The following OSBPL5 variants were observed in gnomAD, a reference collection of about 807,000 sequenced individuals.
OSBPL5 encodes oxysterol binding protein like 5.
In OSBPL5, 71 loss-of-function variants were observed where a neutral mutation model predicts 111.2. That is an observed-to-expected ratio of 0.64 (90% CI 0.53 to 0.78). The LOEUF (loss-of-function observed/expected upper bound fraction) is 0.78. OSBPL5 is among the 30% of genes least tolerant of loss of function. OSBPL5 has a pLI of 0.00. For missense variants in OSBPL5, 1,210 were observed against 1,189.3 expected (o/e 1.02, Z -0.26); for synonymous variants, 549 against 513.9 (o/e 1.07, Z -0.93).
In OSBPL5 at chr11:3,123,896, TG is replaced by T. The variant is rs538807275; in HGVS notation, c.220-1469del. Among the ~76,000 whole-genome samples, 391 of 152,310 alleles carry T rather than the reference TG, an allele frequency of 2.6e-3. 3 individuals are homozygous for T. The highest frequency in any genetic ancestry group is 8.9e-3 in the African/African-American group (368 of 41,560). ...TGGAGAGCTAGCAAGGGGCAGGGCATGGAACCGTTCCACGGACTGGCGGTCC... is the reference window on the plus strand; with the variant it reads ...TGGAGAGCTAGCAAGGGGCAGGGCATGAACCGTTCCACGGACTGGCGGTCC... On this transcript the variant is annotated intron_variant, in intron 3 of 21. Transcript: ENST00000263650.
At chr11:3,157,234 A>C (rs890367517) in intron 1 of OSBPL5, among the ~76,000 whole-genome samples, 12 of 152,310 alleles carry the variant, frequency 7.9e-5, no homozygotes, top group Admixed American at 2.6e-4. Context: ...CGTGGGAAAA[A>C]GTGGGCCTTG....
Position 3,118,247 on chromosome 11 carries a change from GC to G in OSBPL5, c.691+1299del, listed in dbSNP as rs989214744. On this transcript the variant is annotated intron_variant, in intron 7 of 21. Transcript: ENST00000263650. ...GCTGGGCACTGCTAGGGGCCAACCT[GC>G]CCCCCCATTCTATTCCAAGTCACCC... Among the ~76,000 whole-genome samples the G allele has an allele frequency of 3.3e-5, 5 of 152,254 alleles. 1 individual carries two copies. In the South Asian group the frequency reaches 6.2e-4, roughly 19 times the overall value.
intron 1 of OSBPL5, among the ~76,000 whole-genome samples, chr11:3,152,568 C>T (rs984268545): frequency 1.3e-5 from 2 of 152,132 alleles, no homozygotes; most frequent in East Asian, 1.9e-4. Context: ...GGAACAGCAG[C>T]GGGGGCCTGC....
chr11:3,129,451 C>T (rs1056049601), intron 1 of OSBPL5: 4 of 224,704 alleles, frequency 1.8e-5, no homozygotes, highest in African/African-American at 9.1e-5. Flanking sequence ...AGATGTCCTT[C>T]TCAGAACCCC....
chr11:3,106,715 G>C lies in OSBPL5; in HGVS notation c.1059+548C>G, dbSNP rs1857707036. Among the ~76,000 whole-genome samples, 1 of 152,178 alleles carries C rather than the reference G, an allele frequency of 6.6e-6. No individual in the cohort carries two copies. Among genetic ancestry groups the C allele is most frequent in the African/African-American group, 2.4e-5 (1 of 41,438 alleles). ...TCAGAAAGAGCCCATGGCCCGGTTT[G>C]CCTCCCTCACCTGCTCCCCAGCCTC... On this transcript the variant is annotated intron_variant, in intron 9 of 21. Coordinates refer to ENST00000263650, the MANE Select transcript of OSBPL5 (RefSeq NM_020896.4). This position sits in a 1 kb window ranked among gnomAD's most constrained non-coding sequence, Gnocchi z 8.4.
At position 3,113,868 on chromosome 11, in the gene OSBPL5, T is replaced by C. The variant is rs1858101825; in HGVS notation, c.691+5679A>G. ...ACCTATGCCCAGGAATGAACAAGGA[T>C]AGCTTGAAGGTTAGAAACAAGATGG... On this transcript the variant is annotated intron_variant, in intron 7 of 21. Transcript: ENST00000263650. The surrounding 1 kb of genome is among the most constrained non-coding windows in gnomAD (Gnocchi z 4.8). Among the ~76,000 whole-genome samples the C allele has an allele frequency of 6.6e-6, 1 of 152,152 alleles. No homozygotes were observed. Among genetic ancestry groups the C allele is most frequent in the African/African-American group, 2.4e-5 (1 of 41,444 alleles).
In OSBPL5 at chr11:3,120,447, G is replaced by A; in HGVS notation, c.580C>T (p.Leu194=). 1 of 1,613,260 alleles carries A rather than the reference G, an allele frequency of 6.2e-7. No homozygotes were observed. Among genetic ancestry groups the A allele is most frequent in the East Asian group, 2.2e-5 (1 of 44,884 alleles). ...TTCACGGCCCAGACGGACTGATCCAGCGGGTGGAAGAGCTTGAAGCAGAAG... is the reference window on the plus strand; with the variant it reads ...TTCACGGCCCAGACGGACTGATCCAACGGGTGGAAGAGCTTGAAGCAGAAG... The part of the protein sequence containing the change: ...DGFCFKLFHP[L]DQSVWAVKGP... Residue 194 remains leucine, a synonymous_variant, in exon 6 of 22, where the codon CTG becomes TTG. Transcript: ENST00000263650.
In OSBPL5 at chr11:3,141,586, G is replaced by T. The variant is rs2134511970; in HGVS notation, c.-21-12417C>A. On this transcript the variant is annotated intron_variant, in intron 1 of 21. Coordinates refer to ENST00000263650, the MANE Select transcript of OSBPL5 (RefSeq NM_020896.4). The surrounding 1 kb of genome is among the most constrained non-coding windows in gnomAD (Gnocchi z 6.5). ...TCCATTATGGCCCGAGTTGCGCAGAGAGGACAGGGAGGGGCTGGATTTTGC... is the reference window on the plus strand; with the variant it reads ...TCCATTATGGCCCGAGTTGCGCAGATAGGACAGGGAGGGGCTGGATTTTGC... 6.6e-6 allele frequency among the ~76,000 whole-genome samples: 1 copy of T among 152,326 alleles called. No homozygotes were observed. Among genetic ancestry groups the T allele is most frequent in the South Asian group, 2.1e-4 (1 of 4,828 alleles).
chr11:3,101,490 G>A, intron 13 of OSBPL5, 113 bp downstream of exon 13: 3 of 978,128 alleles, frequency 3.1e-6, no homozygotes, highest in Non-Finnish European at 4.6e-6. Context: ...AGGAGGGGTT[G>A]GGAGGGACAG....
intron 10 of OSBPL5, among the ~76,000 whole-genome samples, chr11:3,103,879 T>C (rs1215595916): frequency 9.5e-4 from 19 of 20,054 alleles, no homozygotes; most frequent in South Asian, 3.1e-3. Context: ...TTCCTGCCTC[T>C]GTAGCCCCAT....
chr11:3,144,150 A>G (rs951978773), intron 1 of OSBPL5, among the ~76,000 whole-genome samples: 2 of 152,300 alleles, frequency 1.3e-5, no homozygotes, highest in Admixed American at 1.3e-4. Context: ...AGCAGGCTGC[A>G]TCAGGACAGA....
chr11:3,126,009 A>G lies in OSBPL5; in HGVS notation c.219+464T>C, dbSNP rs555268131. On this transcript the variant is annotated intron_variant, in intron 3 of 21. Coordinates refer to ENST00000263650, the MANE Select transcript of OSBPL5 (RefSeq NM_020896.4). The surrounding 1 kb of genome is among the most constrained non-coding windows in gnomAD (Gnocchi z 6.5). ...AGAAAAAGGAAAAAAGAAAACAACA[A>G]ATCAGAAAATAGCAAGCGTTGGTGA... 3.9e-5 allele frequency among the ~76,000 whole-genome samples: 6 copies of G among 152,112 alleles called. No individual in the cohort carries two copies. The highest frequency in any genetic ancestry group is 8.8e-5 in the Non-Finnish European group (6 of 68,018).
intron 1 of OSBPL5, among the ~76,000 whole-genome samples, chr11:3,148,418 C>T (rs543592462): frequency 8.1e-4 from 123 of 152,300 alleles, no homozygotes; most frequent in Admixed American, 1.6e-3. Context: ...ACGTACTTTG[C>T]CCCCCACACC....
At position 3,107,042 on chromosome 11, in the gene OSBPL5, T is replaced by TGCCA. The variant is rs142736268; in HGVS notation, c.1059+217_1059+220dup. On this transcript the variant is annotated intron_variant, in intron 9 of 21. Coordinates refer to ENST00000263650, the MANE Select transcript of OSBPL5 (RefSeq NM_020896.4). The surrounding 1 kb of genome is among the most constrained non-coding windows in gnomAD (Gnocchi z 6.1). ...CCCCTGCCCGATCCCCGCATCTGCA[T>TGCCA]GCCAGCCAGCCAGCCAGCCAGCGGG... Among the ~76,000 whole-genome samples, 16,429 of 152,034 alleles carry TGCCA rather than the reference T, an allele frequency of 0.11. 980 individuals carry two copies. The highest frequency in any genetic ancestry group is 0.17 in the South Asian group (828 of 4,818).
chr11:3,103,574 CCT>C (rs1180215600), intron 10 of OSBPL5, among the ~76,000 whole-genome samples: 7 of 152,120 alleles, frequency 4.6e-5, no homozygotes, highest in Non-Finnish European at 8.8e-5. Context: ...CCAGGGTGCC[CCT>C]GTCTCCAGGA....
Position 3,103,221 on chromosome 11 carries a change from T to A in OSBPL5, c.1326+18A>T. 5 of 1,587,156 alleles carry A rather than the reference T, an allele frequency of 3.2e-6. No individual in the cohort carries two copies. Among genetic ancestry groups the A allele is most frequent in the Non-Finnish European group, 4.3e-6 (5 of 1,165,726 alleles). On this transcript the variant is annotated intron_variant, in intron 11 of 21. Transcript: ENST00000263650. ...TCCTGGGCCGGAGCCCCACCCTCCCTGGCTGGCAGGGGCTCACCTTGGGCT... is the reference window on the plus strand; with the variant it reads ...TCCTGGGCCGGAGCCCCACCCTCCCAGGCTGGCAGGGGCTCACCTTGGGCT...
In OSBPL5 at chr11:3,106,829, C is replaced by T. The variant is rs955564522; in HGVS notation, c.1059+434G>A. On this transcript the variant is annotated intron_variant, in intron 9 of 21. Coordinates refer to ENST00000263650, the MANE Select transcript of OSBPL5 (RefSeq NM_020896.4). This position sits in a 1 kb window ranked among gnomAD's most constrained non-coding sequence, Gnocchi z 8.4. ...CAGGTCTGTCTCATTCATGGCTCTCCCAGGGCCCCAGGAGAGCACCAGGTG... is the reference window on the plus strand; with the variant it reads ...CAGGTCTGTCTCATTCATGGCTCTCTCAGGGCCCCAGGAGAGCACCAGGTG... 5.9e-5 allele frequency among the ~76,000 whole-genome samples: 9 copies of T among 152,208 alleles called. No individual in the cohort carries two copies. Among genetic ancestry groups the T allele is most frequent in the Non-Finnish European group, 1.2e-4 (8 of 68,042 alleles).
At chr11:3,103,808 C>CCTGCCTCTGCAGCCCCA (rs1564830367) in intron 10 of OSBPL5, among the ~76,000 whole-genome samples, 2 of 38,212 alleles carry the variant, frequency 5.2e-5, no homozygotes, top group Non-Finnish European at 1.4e-4. Flanking sequence ...CTGCAGCCCT[C>CCTGCCTCTGCAGCCCCA]TTCCTGCCTG....
intron 10 of OSBPL5, among the ~76,000 whole-genome samples, chr11:3,103,595 T>A (rs1232836841): frequency 6.6e-6 from 1 of 152,098 alleles, no homozygotes; most frequent in Non-Finnish European, 1.5e-5. Flanking sequence ...GAAGCCTCCC[T>A]GCCCATGCTC....
Sources: allele counts gnomAD v4.1 joint callset (sites outside exome capture counted in the v4.1 genomes callset), GRCh38; gene constraint gnomAD v4.1.1; non-coding constraint Gnocchi (gnomAD v3.1); transcripts MANE v1.5; gene names NCBI Gene and HGNC (gene_info 2026-07-23, HGNC 2026-07-21).